DOP1A: variants seen among roughly 807,000 people sequenced by gnomAD.
DOP1A encodes protein DOP1A.
DOP1A carries 90 observed loss-of-function variants against 267.6 expected under a neutral mutation model. The ratio of observed to expected loss-of-function variants is 0.34; its 90% CI spans 0.28 to 0.40. The LOEUF (loss-of-function observed/expected upper bound fraction) is 0.40. Among genes scored for constraint, DOP1A ranks in the 10% least tolerant of loss-of-function variants. DOP1A has a pLI of 1.00. For missense variants in DOP1A, 2,437 were observed against 2,900.4 expected (o/e 0.84, Z 3.67); for synonymous variants, 932 against 999.1 (o/e 0.93, Z 1.27).
Position 83,139,025 on chromosome 6 carries a change from T to C in DOP1A, c.4983T>C (p.Ile1661=), listed in dbSNP as rs755546291. Residue 1661 remains isoleucine, a synonymous_variant, in exon 21 of 39, where the codon ATT becomes ATC. Coordinates refer to ENST00000349129, the MANE Select transcript of DOP1A (RefSeq NM_015018.4). The part of the protein sequence containing the change: ...HCACKMHPQW[I]GLITSTLPYM... ...CATGTAAGATGCACCCACAATGGATTGGTTTAATCACATCTACTCTGCCTT... is the reference window on the plus strand; with the variant it reads ...CATGTAAGATGCACCCACAATGGATCGGTTTAATCACATCTACTCTGCCTT... 6.2e-7 allele frequency: 1 copy of C among 1,614,094 alleles called. No homozygotes were observed.
intron 1 of DOP1A, among the ~76,000 whole-genome samples, chr6:83,076,338 A>G (rs569217561): frequency 2.0e-4 from 30 of 152,288 alleles, no homozygotes; most frequent in African/African-American, 7.0e-4. Context: ...CCTGGCCAAC[A>G]TGGTGAAACC....
At position 83,141,847 on chromosome 6, in the gene DOP1A, A is replaced by G. The variant is rs1288257222; in HGVS notation, c.5416-74A>G. The G allele has an allele frequency of 2.0e-6, 3 of 1,498,818 alleles. No individual in the cohort carries two copies. The Admixed American group carries it at 6.8e-5, about 34-fold the overall frequency. The allele number at this position is 1,498,818 out of a possible 1,614,324, so 92.8% of individuals were successfully genotyped here. ...AGTACTATATTATTTCAAAGAAACC[A>G]AAAACGCAGTCTAGTTGTAAATGTT... On this transcript the variant is annotated intron_variant, in intron 23 of 38. Coordinates refer to ENST00000349129, the MANE Select transcript of DOP1A (RefSeq NM_015018.4).
intron 7 of DOP1A, among the ~76,000 whole-genome samples, chr6:83,116,841 T>C (rs369140559): frequency 6.6e-6 from 1 of 152,092 alleles, no homozygotes; most frequent in Admixed American, 6.6e-5. Context: ...AGTTTCAGTC[T>C]AAATGCAAGT....
At position 83,096,838 on chromosome 6, in the gene DOP1A, C is replaced by G. The variant is rs1460323745; in HGVS notation, c.-54+15C>G. ...CACTGCTAACAGTAAGGAACATTTTCAAGTTAGTCATTACCTTTGTAGTAA... is the reference window on the plus strand; with the variant it reads ...CACTGCTAACAGTAAGGAACATTTTGAAGTTAGTCATTACCTTTGTAGTAA... On this transcript the variant is annotated intron_variant, in intron 2 of 38. Coordinates refer to ENST00000349129, the MANE Select transcript of DOP1A (RefSeq NM_015018.4). The G allele has an allele frequency of 4.2e-6, 4 of 948,506 alleles. No homozygotes were observed. The African/African-American group carries it at 4.9e-5, about 12-fold the overall frequency. The allele number at this position is 948,506 out of a possible 1,614,324, so 58.8% of individuals were successfully genotyped here.
chr6:83,095,683 ATCT>A (rs1325144575), intron 1 of DOP1A, among the ~76,000 whole-genome samples: 25 of 152,190 alleles, frequency 1.6e-4, no homozygotes, highest in Admixed American at 1.4e-3. Context: ...CTATAACAAA[ATCT>A]TCTGTAGGTC....
At chr6:83,149,302 T>C (rs986383570) in intron 27 of DOP1A, among the ~76,000 whole-genome samples, 2 of 152,186 alleles carry the variant, frequency 1.3e-5, no homozygotes, top group African/African-American at 4.8e-5. Context: ...GATTATTTGA[T>C]AAATGTTAGT....
At chr6:83,101,621 T>C (rs1772600060) in intron 4 of DOP1A, among the ~76,000 whole-genome samples, 1 of 152,206 alleles carries the variant, frequency 6.6e-6, no homozygotes, top group African/African-American at 2.4e-5. Flanking sequence ...TTTACAAGTC[T>C]TTCCTCCTCT....
chr6:83,072,638 A>G (rs554944409), intron 1 of DOP1A, among the ~76,000 whole-genome samples: 37 of 152,346 alleles, frequency 2.4e-4, no homozygotes, highest in Non-Finnish European at 4.6e-4. Context: ...CTATAATCAG[A>G]AAATCATAAA....
chr6:83,136,426 A>G (rs1321820601), intron 20 of DOP1A, among the ~76,000 whole-genome samples: 2 of 152,048 alleles, frequency 1.3e-5, no homozygotes, highest in Non-Finnish European at 2.9e-5. Context: ...GTCCCCTTAG[A>G]TTAATTTATT....
intron 12 of DOP1A, among the ~76,000 whole-genome samples, chr6:83,123,903 A>G (rs1292715259): frequency 6.6e-6 from 1 of 152,030 alleles, no homozygotes; most frequent in Non-Finnish European, 1.5e-5. Context: ...GCCAACCTGG[A>G]CTATTCTCTG....
chr6:83,145,123 G>GTA (rs757358829), intron 24 of DOP1A, among the ~76,000 whole-genome samples: 1,826 of 47,912 alleles, frequency 0.038, 46 homozygotes, highest in African/African-American at 0.049. Flanking sequence ...TACATATATT[G>GTA]TATATATATA....
chr6:83,106,806 T>TAA (rs67887369), intron 4 of DOP1A, among the ~76,000 whole-genome samples: 77 of 142,638 alleles, frequency 5.4e-4, no homozygotes, highest in Middle Eastern at 3.5e-3. Context: ...AGAGTCCATC[T>TAA]AAAAAAAAAA....
In DOP1A at chr6:83,156,103, G is replaced by A; in HGVS notation, c.6604G>A (p.Glu2202Lys). 2 of 1,600,604 alleles carry A rather than the reference G, an allele frequency of 1.2e-6. No individual in the cohort carries two copies. The highest frequency in any genetic ancestry group is 3.5e-5 in the Admixed American group (2 of 56,722). The change falls in exon 34 of 39, where the codon GAG becomes AAG. Residue 2202 changes from glutamate (E) to lysine (K), a missense_variant and splice_region_variant. Coordinates refer to ENST00000349129, the MANE Select transcript of DOP1A (RefSeq NM_015018.4). ...QYQKYLPDIQ[E>K]RLVESLRLPQ... Reference sequence around the variant, plus strand: ...CCAGAAATATCTTCCAGATATACAAGGTAAAAAATGAAAAACCCTTTATTT... The same window carrying A: ...CCAGAAATATCTTCCAGATATACAAAGTAAAAAATGAAAAACCCTTTATTT...
intron 4 of DOP1A, among the ~76,000 whole-genome samples, chr6:83,101,160 C>T (rs1482197317): frequency 2.6e-5 from 4 of 152,166 alleles, no homozygotes; most frequent in East Asian, 1.9e-4. Context: ...GGACTACAGG[C>T]GCCCGCCACC....
downstream of DOP1A, among the ~76,000 whole-genome samples, chr6:83,170,088 G>A (rs966787134): frequency 6.6e-6 from 1 of 152,190 alleles, no homozygotes; most frequent in African/African-American, 2.4e-5. Context: ...TCTAGAATAA[G>A]TCAAAAATAT....
intron 4 of DOP1A, among the ~76,000 whole-genome samples, chr6:83,101,951 T>G (rs1303979174): frequency 1.3e-5 from 2 of 152,180 alleles, no homozygotes; most frequent in Non-Finnish European, 2.9e-5. Flanking sequence ...ATGTTGTACA[T>G]TAGATCTCTA....
intron 3 of DOP1A, among the ~76,000 whole-genome samples, chr6:83,097,603 A>G (rs1348424658): frequency 3.3e-5 from 5 of 152,226 alleles, no homozygotes. Flanking sequence ...GCAGTTGCTT[A>G]CGCCTTGCAG....
At chr6:83,117,678 A>G (rs979748514) in intron 7 of DOP1A, among the ~76,000 whole-genome samples, 5 of 152,218 alleles carry the variant, frequency 3.3e-5, no homozygotes, top group Admixed American at 3.3e-4. Flanking sequence ...CAAAACAAAA[A>G]GCCCAATAAC....
intron 17 of DOP1A, among the ~76,000 whole-genome samples, 159 bp from the exon 18 acceptor site, chr6:83,132,017 A>G (rs1385038390): frequency 6.6e-6 from 1 of 152,218 alleles, no homozygotes; most frequent in African/African-American, 2.4e-5. Context: ...GAAGGTAGGT[A>G]CATGGAAGAC....
Sources: allele counts gnomAD v4.1 joint callset (sites outside exome capture counted in the v4.1 genomes callset), GRCh38; gene constraint gnomAD v4.1.1; transcripts MANE v1.5; gene names NCBI Gene and HGNC (gene_info 2026-07-23, HGNC 2026-07-21).